Variants in ASTN2 observed in about 807,000 individuals in gnomAD.
ASTN2 encodes astrotactin 2.
In ASTN2, 54 loss-of-function variants were observed where a neutral mutation model predicts 139.8. The observed-to-expected ratio is 0.39, with a 90% CI of 0.31 to 0.48. The LOEUF (loss-of-function observed/expected upper bound fraction) is 0.48. Ranked by LOEUF, ASTN2 falls within the 20% of genes least tolerant of loss-of-function variation. The pLI, the probability that ASTN2 is intolerant of heterozygous loss-of-function variation, is 0.95. For missense variants in ASTN2, 1,565 were observed against 1,725.1 expected, an observed-to-expected ratio of 0.91 and a Z score of 1.64; for synonymous variants, 756 against 719.5, an observed-to-expected ratio of 1.05 and a Z score of -0.81.
intron 10 of ASTN2, among the ~76,000 whole-genome samples, chr9:116,950,874 T>C (rs1405819487): frequency 6.6e-6 from 1 of 152,194 alleles, no homozygotes; most frequent in African/African-American, 2.4e-5. Context: ...AAATCCTTCC[T>C]TGGAATTTTA....
intron 2 of ASTN2, among the ~76,000 whole-genome samples, chr9:117,223,632 C>A (rs1035852204): frequency 6.6e-6 from 1 of 152,010 alleles, no homozygotes; most frequent in African/African-American, 2.4e-5. Context: ...AAGATACCAG[C>A]ATGTAATCAA....
intron 19 of ASTN2, among the ~76,000 whole-genome samples, chr9:116,509,615 T>A (rs1172127306): frequency 6.6e-6 from 1 of 152,154 alleles, no homozygotes; most frequent in African/African-American, 2.4e-5. Flanking sequence ...ACTAGTTTAC[T>A]CTCCCACCAA....
intron 20 of ASTN2, among the ~76,000 whole-genome samples, chr9:116,486,375 A>G (rs539060400): frequency 1.3e-5 from 2 of 152,322 alleles, no homozygotes; most frequent in South Asian, 2.1e-4. Flanking sequence ...GTAATGAAGG[A>G]ATGTAAGAGC....
chr9:117,078,597 T>C (rs1478152074), intron 5 of ASTN2, among the ~76,000 whole-genome samples: 1 of 152,218 alleles, frequency 6.6e-6, no homozygotes, highest in Non-Finnish European at 1.5e-5. Flanking sequence ...ATTGATCTGA[T>C]ATTCTCTATT....
intron 10 of ASTN2, among the ~76,000 whole-genome samples, chr9:116,949,083 C>T (rs1340499927): frequency 2.0e-5 from 3 of 151,988 alleles, no homozygotes; most frequent in Non-Finnish European, 4.4e-5. Flanking sequence ...GCCACCATGC[C>T]TGGCTTCTTT....
chr9:116,709,162 A>G (rs909031585), intron 16 of ASTN2, among the ~76,000 whole-genome samples: 2 of 152,168 alleles, frequency 1.3e-5, no homozygotes, highest in Admixed American at 6.5e-5. Context: ...AAAGTTCAAC[A>G]TAGCCACTGA....
intron 13 of ASTN2, among the ~76,000 whole-genome samples, chr9:116,766,870 AAC>A (rs201339457): frequency 0.011 from 1,684 of 151,574 alleles, 39 homozygotes; most frequent in African/African-American, 0.038. Context: ...CTCACACATA[AAC>A]ACACACATTC....
intron 5 of ASTN2, among the ~76,000 whole-genome samples, chr9:117,077,928 G>C (rs1262066987): frequency 6.6e-6 from 1 of 152,086 alleles, no homozygotes; most frequent in Admixed American, 6.6e-5. Flanking sequence ...TCTAATGATG[G>C]GGAACTCACT....
intron 6 of ASTN2, among the ~76,000 whole-genome samples, chr9:117,034,742 A>G (rs73519371): frequency 0.024 from 3,717 of 152,240 alleles, 140 homozygotes; most frequent in African/African-American, 0.083. Context: ...TCACAGCTGG[A>G]TAAACAACAC....
intron 4 of ASTN2, among the ~76,000 whole-genome samples, chr9:117,096,488 G>C (rs987790478): frequency 2.0e-5 from 3 of 152,154 alleles, no homozygotes; most frequent in African/African-American, 7.2e-5. Context: ...AAAATACCTG[G>C]TCCGCAGTAC....
chr9:117,099,083 G>A (rs1422043833), intron 4 of ASTN2, among the ~76,000 whole-genome samples: 2 of 149,550 alleles, frequency 1.3e-5, no homozygotes, highest in Non-Finnish European at 3.0e-5. Context: ...CTCCAGCCTG[G>A]GTGACAGAGC....
chr9:117,011,233 T>C (rs1837524725), intron 6 of ASTN2, among the ~76,000 whole-genome samples: 1 of 152,196 alleles, frequency 6.6e-6, no homozygotes, highest in African/African-American at 2.4e-5. Context: ...GCAGGTACAA[T>C]AAATGGAAAG....
rs556469297 is a variant in ASTN2 at position 116,431,708 on chromosome 9, A to C, written c.3783-5620T>G. Among the ~76,000 whole-genome samples the C allele has an allele frequency of 7.5e-4, 15 of 20,004 alleles. No homozygotes were observed. The Non-Finnish European group carries it at 0.029, about 38-fold the overall frequency. The allele number at this position is 20,004 out of a possible 152,430, so 13.1% of individuals were successfully genotyped here. ...TATTGAGCACCCACTATGTGCCAGA[A>C]ACTGTACCTATGCAACATTATTTTA... is the stretch of plus-strand genomic sequence containing the variant. On this transcript the variant is annotated intron_variant, in intron 22 of 22. Transcript: ENST00000313400.
chr9:117,387,090 T>C lies in ASTN2; in HGVS notation c.442+27407A>G, dbSNP rs542405485. 2.0e-4 allele frequency among the ~76,000 whole-genome samples: 30 copies of C among 152,220 alleles called. No homozygotes were observed. The South Asian group carries it at 5.4e-3, about 27-fold the overall frequency. The stretch of plus-strand genomic sequence containing the variant: ...GGATTAAACAGGAGAATAGGAAAGT[T>C]CTTCTTACCAAGAAAATGAGCAACA... On this transcript the variant is annotated intron_variant, in intron 1 of 22. Coordinates refer to ENST00000313400, the MANE Select transcript of ASTN2 (RefSeq NM_001365068.1).
At chr9:117,409,749 C>T (rs1112405) in intron 1 of ASTN2, among the ~76,000 whole-genome samples, 1 of 152,200 alleles carries the variant, frequency 6.6e-6, no homozygotes, top group South Asian at 2.1e-4. Flanking sequence ...GATCCTCCTG[C>T]TTCAGCCTCC....
intron 16 of ASTN2, among the ~76,000 whole-genome samples, chr9:116,725,274 G>A (rs1467280865): frequency 6.6e-6 from 1 of 152,060 alleles, no homozygotes; most frequent in Non-Finnish European, 1.5e-5. Context: ...CCTTCCTGAG[G>A]ATAAAAGCCT....
chr9:116,749,946 T>C (rs1229574470), intron 13 of ASTN2, among the ~76,000 whole-genome samples: 1 of 152,206 alleles, frequency 6.6e-6, no homozygotes, highest in Non-Finnish European at 1.5e-5. Flanking sequence ...GCTGGAGCCA[T>C]GTTTGTACAG....
intron 20 of ASTN2, among the ~76,000 whole-genome samples, chr9:116,478,599 C>T (rs1299065032): frequency 6.6e-6 from 1 of 152,174 alleles, no homozygotes; most frequent in Non-Finnish European, 1.5e-5. Flanking sequence ...GCAGAAATAT[C>T]TGACCTTAAG....
At chr9:116,744,375 C>T (rs187820362) in intron 13 of ASTN2, among the ~76,000 whole-genome samples, 54 of 152,140 alleles carry the variant, frequency 3.5e-4, no homozygotes, top group Non-Finnish European at 6.6e-4. Context: ...GGTAAGGAGA[C>T]CCACTGTAGG....
Sources: gnomAD v4.1 joint callset for allele counts (sites outside exome capture counted in the v4.1 genomes callset) on GRCh38, gnomAD v4.1.1 for gene constraint, MANE v1.5 for transcripts, NCBI Gene and HGNC (gene_info 2026-07-23, HGNC 2026-07-21) for gene names.